Variants in FHIT observed in about 807,000 individuals in gnomAD.
FHIT encodes fragile histidine triad diadenosine triphosphatase, also known as bis(5'-adenosyl)-triphosphatase.
FHIT carries 19 observed loss-of-function variants against 17.9 expected under a neutral mutation model. That is an observed-to-expected ratio of 1.06 (90% confidence interval 0.74 to 1.56). FHIT has a LOEUF of 1.56. FHIT is among the 40% of genes most tolerant of loss of function. FHIT has a pLI of 0.00. For missense variants in FHIT, 248 were observed against 189.2 expected, an observed-to-expected ratio of 1.31 and a Z score of -1.82; for synonymous variants, 81 against 69.7, an observed-to-expected ratio of 1.16 and a Z score of -0.81.
At chr3:60,136,156 T>C (rs79177799) in intron 5 of FHIT, among the ~76,000 whole-genome samples, 1,901 of 152,214 alleles carry the variant, frequency 0.012, 18 homozygotes, top group Non-Finnish European at 0.02. Flanking sequence ...CCAACAAATA[T>C]GACTCTTGCT....
intron 3 of FHIT, among the ~76,000 whole-genome samples, chr3:60,959,389 C>T (rs1709306990): frequency 6.6e-6 from 1 of 152,188 alleles, no homozygotes. Flanking sequence ...ATCATCTTAT[C>T]TCCATTCTAT....
intron 8 of FHIT, among the ~76,000 whole-genome samples, chr3:59,803,434 C>A (rs1284758841): frequency 6.6e-6 from 1 of 152,224 alleles, no homozygotes; most frequent in Non-Finnish European, 1.5e-5. Context: ...GGAGAAGAGA[C>A]CTCCGCCAGC....
chr3:61,223,403 T>C (rs1317533927), intron 1 of FHIT, among the ~76,000 whole-genome samples: 1 of 152,182 alleles, frequency 6.6e-6, no homozygotes, highest in Non-Finnish European at 1.5e-5. Context: ...ACCACCCTCA[T>C]GTCCCCCAGC....
intron 3 of FHIT, among the ~76,000 whole-genome samples, chr3:61,038,021 T>C (rs1302163858): frequency 6.6e-6 from 1 of 152,132 alleles, no homozygotes; most frequent in Admixed American, 6.5e-5. Flanking sequence ...AGTTGACAAA[T>C]GGAAAATAAT....
At chr3:60,213,412 A>T (rs1455610222) in intron 5 of FHIT, among the ~76,000 whole-genome samples, 1 of 152,160 alleles carries the variant, frequency 6.6e-6, no homozygotes, top group African/African-American at 2.4e-5. Context: ...GCTACATGGG[A>T]GATGCTTCAG....
Position 60,335,991 on chromosome 3 carries a change from A to AT in FHIT, c.103+200868_103+200869insA, listed in dbSNP as rs376155004. 3.1e-3 allele frequency among the ~76,000 whole-genome samples: 469 copies of AT among 152,332 alleles called. 1 individual carries two copies. The highest frequency in any genetic ancestry group is 0.011 in the African/African-American group (449 of 41,578). On this transcript the variant is annotated intron_variant, in intron 5 of 9. Transcript: ENST00000492590. ...ACAGATCTGACAGAAAACATGAAAA[A>AT]GTGTGCTTTCTATCATAATGATTAT...
At chr3:60,443,381 C>A (rs1206205152) in intron 5 of FHIT, among the ~76,000 whole-genome samples, 1 of 152,072 alleles carries the variant, frequency 6.6e-6, no homozygotes, top group African/African-American at 2.4e-5. Flanking sequence ...CCAGTTTTTG[C>A]CCATTCAGTA....
At chr3:60,473,942 G>GAAAAAAA (rs1377835884) in intron 5 of FHIT, among the ~76,000 whole-genome samples, 1 of 151,594 alleles carries the variant, frequency 6.6e-6, no homozygotes, top group Non-Finnish European at 1.5e-5. Context: ...AAGAAAAAAA[G>GAAAAAAA]AAAACCTAAC....
At chr3:60,984,618 C>T (rs1252444536) in intron 3 of FHIT, among the ~76,000 whole-genome samples, 1 of 152,172 alleles carries the variant, frequency 6.6e-6, no homozygotes, top group East Asian at 1.9e-4. Flanking sequence ...GAATAAAACA[C>T]TGCCCCTTTC....
At chr3:60,916,418 C>G (rs1707005918) in intron 3 of FHIT, among the ~76,000 whole-genome samples, 1 of 152,148 alleles carries the variant, frequency 6.6e-6, no homozygotes, top group Non-Finnish European at 1.5e-5. Flanking sequence ...TCCAAAACAA[C>G]CAAAAGTTCA....
chr3:61,104,318 G>A (rs758136912), intron 2 of FHIT, among the ~76,000 whole-genome samples: 12 of 152,122 alleles, frequency 7.9e-5, no homozygotes, highest in Admixed American at 2.6e-4. Context: ...TTTCTCCTTC[G>A]TTTATGAAGC....
intron 5 of FHIT, among the ~76,000 whole-genome samples, chr3:60,203,834 C>T (rs1703031309): frequency 6.6e-6 from 1 of 152,020 alleles, no homozygotes; most frequent in African/African-American, 2.4e-5. Flanking sequence ...GGGGCAAAGA[C>T]AGGAACAGGA....
chr3:59,959,022 C>A (rs1047029530), intron 7 of FHIT, among the ~76,000 whole-genome samples: 3 of 152,162 alleles, frequency 2.0e-5, no homozygotes, highest in African/African-American at 7.2e-5. Context: ...AAGAAGAGAT[C>A]ACTGCTGGAG....
chr3:60,612,879 A>G (rs1280963243), intron 4 of FHIT, among the ~76,000 whole-genome samples: 3 of 152,192 alleles, frequency 2.0e-5, no homozygotes, highest in Non-Finnish European at 2.9e-5. Flanking sequence ...AATGGCTCTC[A>G]ATGCAGTATC....
chr3:60,034,823 G>C (rs1260114465), intron 5 of FHIT, among the ~76,000 whole-genome samples: 1 of 152,148 alleles, frequency 6.6e-6, no homozygotes, highest in Non-Finnish European at 1.5e-5. Context: ...AGAAATGTTA[G>C]AAATGGGAAT....
At chr3:60,747,051 T>C (rs2042371737) in intron 4 of FHIT, among the ~76,000 whole-genome samples, 1 of 152,116 alleles carries the variant, frequency 6.6e-6, no homozygotes, top group East Asian at 1.9e-4. Flanking sequence ...TCAGCCTTAG[T>C]TTACCTTACT....
chr3:60,077,533 A>T (rs573068591), intron 5 of FHIT: 1 of 152,074 alleles, frequency 6.6e-6, no homozygotes, highest in South Asian at 2.1e-4. Context: ...ATGGCTAAAA[A>T]AAAACAAAGA....
chr3:60,066,747 C>T (rs943086531), intron 5 of FHIT, among the ~76,000 whole-genome samples: 2 of 144,566 alleles, frequency 1.4e-5, no homozygotes, highest in Non-Finnish European at 3.0e-5. Flanking sequence ...AGCTCCGCCT[C>T]GCGGGTTCAC....
At chr3:60,516,168 G>A (rs1207149850) in intron 5 of FHIT, among the ~76,000 whole-genome samples, 1 of 152,140 alleles carries the variant, frequency 6.6e-6, no homozygotes, top group Non-Finnish European at 1.5e-5. Flanking sequence ...TTGAATTTAT[G>A]TGACTATATT....
Sources: allele counts gnomAD v4.1 joint callset (sites outside exome capture counted in the v4.1 genomes callset), GRCh38; gene constraint gnomAD v4.1.1; transcripts MANE v1.5; gene names NCBI Gene and HGNC (gene_info 2026-07-23, HGNC 2026-07-21).